KCNMA1: variants seen among roughly 807,000 people sequenced by gnomAD.
KCNMA1 encodes the protein Calcium-activated potassium channel subunit alpha-1.
KCNMA1 carries 29 observed loss-of-function variants against 140.0 expected under a neutral mutation model. The ratio of observed to expected loss-of-function variants is 0.21; its 90% CI spans 0.15 to 0.28. The LOEUF (loss-of-function observed/expected upper bound fraction) is 0.28, where lower values mean the gene tolerates loss of function less well. Among genes scored for constraint, KCNMA1 ranks in the 10% least tolerant of loss-of-function variants. The pLI is 1.00. For missense variants in KCNMA1, 880 were observed against 1,602.2 expected, an observed-to-expected ratio of 0.55 and a Z score of 7.70; for synonymous variants, 612 against 611.9, an observed-to-expected ratio of 1.00 and a Z score of 0.00.
intron 3 of KCNMA1, among the ~76,000 whole-genome samples, chr10:77,225,472 C>G (rs2051020792): frequency 6.6e-6 from 1 of 152,194 alleles, no homozygotes; most frequent in Admixed American, 6.5e-5. Context: ...TAAACAGACC[C>G]TGCTTCTGAA....
chr10:77,439,142 GAAGAGAAAAGAGAAGAGAAGAAAAGAA>G (rs1280484841), intron 1 of KCNMA1, among the ~76,000 whole-genome samples: 57 of 132,816 alleles, frequency 4.3e-4, no homozygotes, highest in South Asian at 4.2e-3. Context: ...GAAGAGAAGA[GAAGAGAAAAGAGAAGAGAAGAAAAGAA>G]AAGAGAAGAG....
chr10:77,544,393 T>C (rs796825969), intron 1 of KCNMA1, among the ~76,000 whole-genome samples: 100 of 152,314 alleles, frequency 6.6e-4, no homozygotes, highest in African/African-American at 2.3e-3. Context: ...CCCAGGAATC[T>C]GATTCCTGAA....
chr10:77,494,736 G>T (rs1420891642), intron 1 of KCNMA1, among the ~76,000 whole-genome samples: 2 of 152,214 alleles, frequency 1.3e-5, no homozygotes, highest in Admixed American at 1.3e-4. Context: ...CAAAAACTGA[G>T]TTGGATTAAA....
intron 2 of KCNMA1, among the ~76,000 whole-genome samples, chr10:77,262,492 A>G (rs940519254): frequency 1.3e-5 from 2 of 151,914 alleles, no homozygotes; most frequent in Non-Finnish European, 2.9e-5. Flanking sequence ...ATGGATGGTG[A>G]TATGGTTTGG....
chr10:77,449,160 A>G (rs1380291161), intron 1 of KCNMA1, among the ~76,000 whole-genome samples: 1 of 152,126 alleles, frequency 6.6e-6, no homozygotes, highest in Non-Finnish European at 1.5e-5. Flanking sequence ...ATTTCTGGAA[A>G]CCTATCCTGA....
chr10:77,382,773 G>A (rs1205349146), intron 2 of KCNMA1, among the ~76,000 whole-genome samples: 1 of 145,780 alleles, frequency 6.9e-6, no homozygotes, highest in African/African-American at 2.6e-5. Context: ...CCTGAGGCAG[G>A]AGAATCACTT....
intron 25 of KCNMA1, among the ~76,000 whole-genome samples, chr10:76,893,073 G>T (rs1458305055): frequency 6.6e-6 from 1 of 152,176 alleles, no homozygotes; most frequent in Non-Finnish European, 1.5e-5. Flanking sequence ...GAGGTTATGG[G>T]ATCCAGGGAT....
At chr10:77,484,261 C>T (rs963420756) in intron 1 of KCNMA1, among the ~76,000 whole-genome samples, 3 of 152,224 alleles carry the variant, frequency 2.0e-5, no homozygotes, top group African/African-American at 4.8e-5. Flanking sequence ...TCACTTATCC[C>T]GTTACGTGGG....
intron 2 of KCNMA1, among the ~76,000 whole-genome samples, chr10:77,326,517 G>A (rs899499194): frequency 1.1e-4 from 9 of 85,074 alleles, no homozygotes; most frequent in African/African-American, 2.0e-4. Flanking sequence ...GAGGACGAGC[G>A]TGGTGGTGGT....
intron 2 of KCNMA1, among the ~76,000 whole-genome samples, chr10:77,392,857 TCAGCCTCGC>T (rs1201840942): frequency 1.3e-5 from 2 of 152,298 alleles, no homozygotes; most frequent in African/African-American, 4.8e-5. Context: ...CCCTGCCCTG[TCAGCCTCGC>T]CCCACCTCCA....
chr10:76,923,811 C>T (rs566306265), intron 23 of KCNMA1, among the ~76,000 whole-genome samples: 6 of 151,906 alleles, frequency 3.9e-5, no homozygotes, highest in Admixed American at 1.3e-4. Flanking sequence ...GGTGAAACCT[C>T]GTCTCTACTA....
chr10:77,189,703 C>A (rs2098922664), intron 3 of KCNMA1, among the ~76,000 whole-genome samples: 1 of 152,110 alleles, frequency 6.6e-6, no homozygotes, highest in Admixed American at 6.6e-5. Flanking sequence ...ATTCTCCTCA[C>A]TCTTGTGGCT....
intron 3 of KCNMA1, among the ~76,000 whole-genome samples, chr10:77,192,220 T>C (rs887434101): frequency 1.3e-5 from 2 of 152,166 alleles, no homozygotes; most frequent in Admixed American, 6.5e-5. Context: ...GAATGGAATA[T>C]GTCAATTCTT....
intron 1 of KCNMA1, among the ~76,000 whole-genome samples, chr10:77,550,607 G>A (rs17413447): frequency 0.012 from 1,769 of 152,254 alleles, 17 homozygotes; most frequent in East Asian, 0.051. Context: ...CAGGCGTCTC[G>A]GCAGACTCAG....
chr10:76,891,775 T>G, intron 25 of KCNMA1, 56 bp from the exon 26 acceptor site: 1 of 1,425,234 alleles, frequency 7.0e-7, no homozygotes, highest in Non-Finnish European at 9.9e-7. Flanking sequence ...CCTAAAGTCA[T>G]GACAGCCGAC....
intron 3 of KCNMA1, among the ~76,000 whole-genome samples, chr10:77,188,354 C>T (rs1414497838): frequency 3.9e-5 from 6 of 151,966 alleles, no homozygotes; most frequent in Non-Finnish European, 8.8e-5. Context: ...AACTGACTTA[C>T]CCTAAATTGC....
intron 2 of KCNMA1, among the ~76,000 whole-genome samples, chr10:77,367,010 C>A (rs2094405549): frequency 6.6e-6 from 1 of 152,200 alleles, no homozygotes; most frequent in African/African-American, 2.4e-5. Flanking sequence ...TTTGAAAAGC[C>A]TGTGTTCCTA....
intron 19 of KCNMA1, among the ~76,000 whole-genome samples, chr10:76,991,454 T>C (rs2082744281): frequency 6.6e-6 from 1 of 152,226 alleles, no homozygotes. Flanking sequence ...GTCCTTGTTC[T>C]TTCTTACTAC....
chr10:77,031,431 T>A (rs561977480), intron 15 of KCNMA1, among the ~76,000 whole-genome samples: 1 of 152,350 alleles, frequency 6.6e-6, no homozygotes, highest in South Asian at 2.1e-4. Context: ...TCAGATGGCC[T>A]CACTCTTCAT....
Sources: allele counts gnomAD v4.1 joint callset (sites outside exome capture counted in the v4.1 genomes callset), GRCh38; gene constraint gnomAD v4.1.1; transcripts MANE v1.5; gene names NCBI Gene and HGNC (gene_info 2026-07-23, HGNC 2026-07-21).